Variants in MMP16 observed in about 807,000 individuals in gnomAD.
MMP16 encodes matrix metallopeptidase 16, also known as matrix metalloproteinase-16.
A neutral mutation model predicts 67.8 loss-of-function variants in MMP16; 12 were observed. That is an observed-to-expected ratio of 0.18 (90% confidence interval 0.11 to 0.29). MMP16 has a LOEUF of 0.29. Among genes scored for constraint, MMP16 ranks in the 10% least tolerant of loss-of-function variants. The pLI is 1.00. For missense variants in MMP16, 475 were observed against 765.7 expected (o/e 0.62, Z 4.48); for synonymous variants, 249 against 255.9 (o/e 0.97, Z 0.26).
intron 1 of MMP16, among the ~76,000 whole-genome samples, chr8:88,220,341 C>A (rs1809661722): frequency 6.6e-6 from 1 of 152,052 alleles, no homozygotes. Flanking sequence ...GAAAGTTTAT[C>A]TTTCCTTTTA....
chr8:88,103,696 A>C (rs1484777310), intron 6 of MMP16, among the ~76,000 whole-genome samples: 1 of 151,814 alleles, frequency 6.6e-6, no homozygotes, highest in Non-Finnish European at 1.5e-5. Context: ...AAACTTTGCT[A>C]TATGACAGCT....
At chr8:88,090,709 T>A (rs539707353) in intron 6 of MMP16, among the ~76,000 whole-genome samples, 1 of 151,876 alleles carries the variant, frequency 6.6e-6, no homozygotes, top group African/African-American at 2.4e-5. Flanking sequence ...ACAATATATA[T>A]CTTAAAGAGC....
intron 1 of MMP16, among the ~76,000 whole-genome samples, chr8:88,319,509 C>T (rs1811425856): frequency 6.6e-6 from 1 of 151,762 alleles, no homozygotes; most frequent in South Asian, 2.1e-4. Context: ...GGAATGAATG[C>T]ACAGACATTA....
At chr8:88,288,467 C>T (rs1479013150) in intron 1 of MMP16, among the ~76,000 whole-genome samples, 1 of 152,072 alleles carries the variant, frequency 6.6e-6, no homozygotes, top group Non-Finnish European at 1.5e-5. Context: ...CCTATTTAAC[C>T]TCATACAAGA....
chr8:88,263,156 A>T (rs17667265), intron 1 of MMP16, among the ~76,000 whole-genome samples: 5,750 of 152,022 alleles, frequency 0.038, 150 homozygotes, highest in South Asian at 0.063. Flanking sequence ...GACAATCAAC[A>T]CCCTTTGCTC....
intron 6 of MMP16, among the ~76,000 whole-genome samples, chr8:88,081,985 A>C (rs1181779129): frequency 6.6e-6 from 1 of 152,156 alleles, no homozygotes; most frequent in Non-Finnish European, 1.5e-5. Flanking sequence ...AGAACCAACA[A>C]GGCTGCTAAC....
At chr8:88,105,553 T>G (rs1247877413) in intron 6 of MMP16, among the ~76,000 whole-genome samples, 1 of 151,452 alleles carries the variant, frequency 6.6e-6, no homozygotes, top group Non-Finnish European at 1.5e-5. Context: ...ACAGAAAAAT[T>G]TGGAACCAAA....
At chr8:88,202,637 A>T (rs1456689346) in intron 1 of MMP16, among the ~76,000 whole-genome samples, 1 of 152,102 alleles carries the variant, frequency 6.6e-6, no homozygotes, top group Non-Finnish European at 1.5e-5. Context: ...GTACATGCAC[A>T]TACACACACA....
At chr8:88,158,273 T>A (rs1013512722) in intron 4 of MMP16, among the ~76,000 whole-genome samples, 6 of 152,196 alleles carry the variant, frequency 3.9e-5, no homozygotes, top group African/African-American at 1.4e-4. Flanking sequence ...GTTGAACTAG[T>A]TTACACTCCC....
chr8:88,157,427 C>T (rs922226659), intron 4 of MMP16, among the ~76,000 whole-genome samples: 6 of 150,288 alleles, frequency 4.0e-5, no homozygotes, highest in African/African-American at 9.8e-5. Context: ...GCAGGGAGTC[C>T]TCCCGTTCCC....
chr8:88,268,228 G>A (rs977863348), intron 1 of MMP16, among the ~76,000 whole-genome samples: 2 of 152,142 alleles, frequency 1.3e-5, no homozygotes, highest in African/African-American at 4.8e-5. Context: ...TCTAATCTCA[G>A]CTACTTGGGA....
intron 1 of MMP16, among the ~76,000 whole-genome samples, chr8:88,288,313 G>C (rs995728116): frequency 2.6e-5 from 4 of 152,136 alleles, no homozygotes; most frequent in African/African-American, 9.7e-5. Context: ...AGCAGTTGCA[G>C]CAATTAACAT....
intron 6 of MMP16, among the ~76,000 whole-genome samples, chr8:88,082,584 T>A (rs1808770460): frequency 6.6e-6 from 1 of 152,100 alleles, no homozygotes; most frequent in Admixed American, 6.6e-5. Context: ...GATGGGAAAA[T>A]TTATCTATAT....
At chr8:88,157,961 G>T (rs1808542551) in intron 4 of MMP16, among the ~76,000 whole-genome samples, 1 of 151,968 alleles carries the variant, frequency 6.6e-6, no homozygotes, top group Non-Finnish European at 1.5e-5. Context: ...TGAGAAGGAT[G>T]GTTTCCTGCT....
intron 1 of MMP16, among the ~76,000 whole-genome samples, chr8:88,261,692 A>G (rs967354331): frequency 6.6e-6 from 1 of 151,938 alleles, no homozygotes; most frequent in African/African-American, 2.4e-5. Context: ...CCCATTAGGT[A>G]TGTTATATAC....
intron 3 of MMP16, among the ~76,000 whole-genome samples, chr8:88,181,682 T>C (rs1386056697): frequency 6.6e-6 from 1 of 151,858 alleles, no homozygotes; most frequent in Non-Finnish European, 1.5e-5. Context: ...TATGTTTATA[T>C]TGAAAGGCAA....
At chr8:88,188,040 C>A (rs1416297617) in intron 2 of MMP16, among the ~76,000 whole-genome samples, 1 of 152,160 alleles carries the variant, frequency 6.6e-6, no homozygotes, top group Admixed American at 6.5e-5. Context: ...GAGTCCTAAA[C>A]ACACTGAATT....
rs1488310119 is a variant in MMP16 at position 88,263,904 on chromosome 8, A to G, written c.132+63171T>C. Among the ~76,000 whole-genome samples the G allele has an allele frequency of 7.9e-5, 12 of 152,086 alleles. No homozygotes were observed. In the South Asian group the frequency reaches 1.5e-3, roughly 18 times the overall value. ...CTTAAAAATCCTCCACAAAATGTGT[A>G]GTACGCCTGACTGATGCACTTTTTG... On this transcript the variant is annotated intron_variant, in intron 1 of 9. Transcript: ENST00000286614.
intron 1 of MMP16, among the ~76,000 whole-genome samples, chr8:88,206,246 T>C (rs1809424045): frequency 6.6e-6 from 1 of 152,150 alleles, no homozygotes. Flanking sequence ...CCATCCATTC[T>C]TGAAATTTTT....
Sources: gnomAD v4.1 joint callset for allele counts (sites outside exome capture counted in the v4.1 genomes callset) on GRCh38, gnomAD v4.1.1 for gene constraint, MANE v1.5 for transcripts, NCBI Gene and HGNC (gene_info 2026-07-23, HGNC 2026-07-21) for gene names.